Variants in RAD51B observed in about 807,000 individuals in gnomAD.
RAD51B encodes the protein RAD51 paralog B.
A neutral mutation model predicts 42.2 loss-of-function variants in RAD51B; 38 were observed. The observed-to-expected ratio is 0.90, with a 90% CI of 0.70 to 1.18. The LOEUF (loss-of-function observed/expected upper bound fraction) is 1.18. Ranked by LOEUF, RAD51B falls within the 50% of genes most tolerant of loss-of-function variation. RAD51B has a pLI of 0.00. For synonymous variants in RAD51B, 154 were observed against 145.2 expected (o/e 1.06, Z -0.43); for missense variants, 373 against 400.7 (o/e 0.93, Z 0.59).
chr14:68,339,384 CT>C, intron 8 of RAD51B: 1 of 980,676 alleles, frequency 1.0e-6, no homozygotes, highest in Non-Finnish European at 1.6e-6. Flanking sequence ...GGTGAGGTCT[CT>C]TTGGGGCTGG....
intron 7 of RAD51B, among the ~76,000 whole-genome samples, chr14:68,233,689 A>G (rs964909758): frequency 6.6e-6 from 1 of 152,188 alleles, no homozygotes; most frequent in Non-Finnish European, 1.5e-5. Context: ...GAGAAGAGAA[A>G]ATATTTGAGT....
intron 8 of RAD51B, among the ~76,000 whole-genome samples, chr14:68,295,510 C>G (rs1048798335): frequency 3.9e-5 from 6 of 152,154 alleles, no homozygotes; most frequent in Admixed American, 6.6e-5. Flanking sequence ...AGCCAGGGCT[C>G]GCTTTTTACA....
At chr14:68,241,419 G>A (rs1477069780) in intron 7 of RAD51B, among the ~76,000 whole-genome samples, 1 of 152,132 alleles carries the variant, frequency 6.6e-6, no homozygotes, top group African/African-American at 2.4e-5. Context: ...GCGGGCGCCT[G>A]TGGTCCCAGC....
intron 7 of RAD51B, among the ~76,000 whole-genome samples, chr14:67,920,933 G>A (rs2044302972): frequency 6.6e-6 from 1 of 152,180 alleles, no homozygotes; most frequent in African/African-American, 2.4e-5. Context: ...TGGAGATAGA[G>A]AACATTTGAG....
At chr14:68,229,606 G>T (rs1216880679) in intron 7 of RAD51B, among the ~76,000 whole-genome samples, 5 of 152,170 alleles carry the variant, frequency 3.3e-5, no homozygotes, top group Non-Finnish European at 5.9e-5. Context: ...CTTACAGTCA[G>T]TTTCAGAGTA....
intron 8 of RAD51B, among the ~76,000 whole-genome samples, chr14:68,307,395 A>G (rs1322363746): frequency 6.6e-6 from 1 of 152,236 alleles, no homozygotes; most frequent in African/African-American, 2.4e-5. Flanking sequence ...ACAATGGAGC[A>G]TATCCGATTC....
intron 5 of RAD51B, 142 bp downstream of exon 5, chr14:67,865,281 G>A: frequency 2.3e-6 from 2 of 853,098 alleles, no homozygotes; most frequent in Non-Finnish European, 1.6e-6. Flanking sequence ...TCTGTTGCCG[G>A]GCTGGAGTGC....
At chr14:68,022,401 C>G (rs2075882048) in intron 7 of RAD51B, among the ~76,000 whole-genome samples, 1 of 152,046 alleles carries the variant, frequency 6.6e-6, no homozygotes, top group South Asian at 2.1e-4. Context: ...CATATGAGTG[C>G]CTGTGTCTTT....
At chr14:67,843,649 G>A (rs1282643067) in intron 4 of RAD51B, 5 of 151,840 alleles carry the variant, frequency 3.3e-5, no homozygotes, top group Non-Finnish European at 5.9e-5. Flanking sequence ...ACATAGAGGC[G>A]TTTGTAGTAG....
intron 8 of RAD51B, among the ~76,000 whole-genome samples, chr14:68,325,911 TG>T (rs2082239628): frequency 6.6e-6 from 1 of 152,194 alleles, no homozygotes; most frequent in South Asian, 2.1e-4. Context: ...TGTCAAGCTC[TG>T]TGCTAGGTCT....
At chr14:68,347,049 ATCT>A in intron 8 of RAD51B, among the ~76,000 whole-genome samples, 1 of 152,204 alleles carries the variant, frequency 6.6e-6, no homozygotes, top group Non-Finnish European at 1.5e-5. Flanking sequence ...AGAATGAAGC[ATCT>A]TCTTCCTCTT....
At chr14:68,411,729 C>A (rs1306728028) in intron 9 of RAD51B, among the ~76,000 whole-genome samples, 1 of 152,154 alleles carries the variant, frequency 6.6e-6, no homozygotes, top group East Asian at 1.9e-4. Flanking sequence ...CAGGAAAAAA[C>A]ATAAGAATTG....
chr14:68,292,218 T>C (rs962618983), intron 8 of RAD51B, among the ~76,000 whole-genome samples: 1 of 152,220 alleles, frequency 6.6e-6, no homozygotes, highest in African/African-American at 2.4e-5. Flanking sequence ...CCTCTGTGTG[T>C]TATTTCAAGT....
At chr14:68,174,742 A>G (rs538054763) in intron 7 of RAD51B, among the ~76,000 whole-genome samples, 19 of 152,324 alleles carry the variant, frequency 1.2e-4, no homozygotes, top group Admixed American at 3.3e-4. Flanking sequence ...CTGAAATGTT[A>G]TCTTCTCAAC....
chr14:68,074,447 A>T (rs1026294478), intron 7 of RAD51B, among the ~76,000 whole-genome samples: 16 of 152,152 alleles, frequency 1.1e-4, no homozygotes, highest in African/African-American at 3.9e-4. Flanking sequence ...GATTCGTCAG[A>T]TTCATTGGAA....
intron 8 of RAD51B, among the ~76,000 whole-genome samples, chr14:68,331,928 G>A (rs1449370024): frequency 2.0e-5 from 3 of 146,552 alleles, no homozygotes; most frequent in Non-Finnish European, 4.5e-5. Flanking sequence ...TTGATGGAAA[G>A]GAATCTTAAC....
chr14:68,376,822 A>G (rs1817817349), intron 8 of RAD51B, among the ~76,000 whole-genome samples: 1 of 152,228 alleles, frequency 6.6e-6, no homozygotes, highest in Non-Finnish European at 1.5e-5. Flanking sequence ...TTTTGTAGTT[A>G]CAATGAGTAC....
intron 7 of RAD51B, among the ~76,000 whole-genome samples, chr14:67,987,599 C>G (rs1022091600): frequency 6.6e-6 from 1 of 151,186 alleles, no homozygotes; most frequent in African/African-American, 2.4e-5. Flanking sequence ...TTTTTTTTTC[C>G]TATTTTAATG....
chr14:68,592,946 G>A (rs1890822962), intron 10 of RAD51B, among the ~76,000 whole-genome samples: 1 of 152,206 alleles, frequency 6.6e-6, no homozygotes, highest in East Asian at 1.9e-4. Context: ...TGGGCTCAGG[G>A]TGGGATTCCA....
Sources: gnomAD v4.1 joint callset for allele counts (sites outside exome capture counted in the v4.1 genomes callset) on GRCh38, gnomAD v4.1.1 for gene constraint, MANE v1.5 for transcripts, NCBI Gene and HGNC (gene_info 2026-07-23, HGNC 2026-07-21) for gene names.